The following BRAF variants were observed in gnomAD, a reference collection of about 807,000 sequenced individuals.
BRAF encodes serine/threonine-protein kinase B-raf.
Under a neutral mutation model 104.6 loss-of-function variants are expected in BRAF, and 16 were observed. That is an observed-to-expected ratio of 0.15 (90% CI 0.10 to 0.23). The LOEUF (loss-of-function observed/expected upper bound fraction) is 0.23, where lower values mean the gene tolerates loss of function less well. BRAF is among the 10% of genes least tolerant of loss of function. The pLI is 1.00. For missense variants in BRAF, 541 were observed against 937.3 expected (o/e 0.58, Z 5.52); for synonymous variants, 310 against 341.6 (o/e 0.91, Z 1.02).
chr7:140,723,687 TC>T lies in BRAF; in HGVS notation c.*2806del. 1.9e-6 allele frequency: 2 copies of T among 1,051,474 alleles called. No homozygotes were observed. The highest frequency in any genetic ancestry group is 2.3e-6 in the Non-Finnish European group (2 of 870,572). 65.1% of individuals were successfully genotyped at this position (1,051,474 alleles called of 1,614,324 possible). On this transcript the variant is annotated 3_prime_UTR_variant, in exon 20 of 20. Transcript: ENST00000644969. ...TCCTCTGTAGTTGCTCTCAAATTTT[TC>T]AGAAGGCTTCACCTCTCCCTACCAA...
At chr7:140,914,964 C>CAG (rs1817421556) in intron 1 of BRAF, among the ~76,000 whole-genome samples, 1 of 10,384 alleles carries the variant, frequency 9.6e-5, no homozygotes, top group South Asian at 3.0e-3. Context: ...CACTTGAACC[C>CAG]GGGGGGGGGG....
intron 14 of BRAF, among the ~76,000 whole-genome samples, chr7:140,767,005 T>C (rs773089740): frequency 1.6e-4 from 25 of 152,004 alleles, no homozygotes; most frequent in Non-Finnish European, 3.2e-4. Context: ...AGATGTTTTA[T>C]TTATTTACTT....
At chr7:140,841,104 T>G (rs984579061) in intron 2 of BRAF, among the ~76,000 whole-genome samples, 9 of 152,052 alleles carry the variant, frequency 5.9e-5, no homozygotes, top group Admixed American at 5.9e-4. Flanking sequence ...CCAAAGAAGA[T>G]ATACAAATGG....
chr7:140,836,773 C>T (rs966111958), intron 2 of BRAF, among the ~76,000 whole-genome samples: 3 of 152,130 alleles, frequency 2.0e-5, no homozygotes, highest in African/African-American at 7.2e-5. Flanking sequence ...TGTTAGGGCT[C>T]AGACTACAAC....
rs145773998 is a variant in BRAF, at chr7:140,721,690, T to A, written c.*4804A>T. ...TGGGCATCAGTAATCCATCCCAGTA[T>A]AACATTTCAAGGATGTGCTGGAGAC... is the stretch of plus-strand genomic sequence containing the variant. On this transcript the variant is annotated 3_prime_UTR_variant, in exon 20 of 20. Coordinates refer to ENST00000644969, the MANE Select transcript of BRAF (RefSeq NM_001374258.1). 0.014 allele frequency: 21,101 copies of A among 1,533,980 alleles called. 178 individuals carry two copies. The highest frequency in any genetic ancestry group is 0.016 in the Non-Finnish European group (18,034 of 1,145,960).
chr7:140,791,785 C>G lies in BRAF; in HGVS notation c.1140+2523G>C, dbSNP rs190814468. ...ATTTACCAGAAACTCGGTCTATAAG[C>G]TAAGTATCTATAAGCCAGAAACCTG... On this transcript the variant is annotated intron_variant, in intron 8 of 19. Transcript: ENST00000644969. 2.6e-3 allele frequency among the ~76,000 whole-genome samples: 397 copies of G among 152,294 alleles called. 4 individuals carry two copies. Among genetic ancestry groups the G allele is most frequent in the Non-Finnish European group, 1.5e-3 (104 of 68,022 alleles).
At chr7:140,870,187 G>A (rs917707933) in intron 1 of BRAF, among the ~76,000 whole-genome samples, 6 of 152,112 alleles carry the variant, frequency 3.9e-5, no homozygotes, top group Non-Finnish European at 7.4e-5. Flanking sequence ...TTCCCTAACA[G>A]AAATTACAAA....
chr7:140,788,671 C>G (rs1006236647), intron 8 of BRAF, among the ~76,000 whole-genome samples: 1 of 152,004 alleles, frequency 6.6e-6, no homozygotes, highest in Non-Finnish European at 1.5e-5. Flanking sequence ...TTATTGCAAC[C>G]TCTGCCTCTT....
At chr7:140,902,471 A>G (rs1263776481) in intron 1 of BRAF, among the ~76,000 whole-genome samples, 2 of 152,228 alleles carry the variant, frequency 1.3e-5, no homozygotes, top group Non-Finnish European at 2.9e-5. Context: ...AGTGAAACCA[A>G]GAGTCACATG....
At chr7:140,715,229 G>C (rs1046390328), downstream of BRAF, among the ~76,000 whole-genome samples, 1 of 152,176 alleles carries the variant, frequency 6.6e-6, no homozygotes, top group Non-Finnish European at 1.5e-5. Context: ...GAAGCAAGTG[G>C]AACAGTTGCA....
intron 4 of BRAF, among the ~76,000 whole-genome samples, chr7:140,808,583 TA>T: frequency 6.6e-6 from 1 of 152,020 alleles, no homozygotes; most frequent in Non-Finnish European, 1.5e-5. Flanking sequence ...GAGTTTGTAT[TA>T]AAAATGGGAG....
chr7:140,860,775 A>G lies in BRAF; in HGVS notation c.139-10563T>C, dbSNP rs145300974. Among the ~76,000 whole-genome samples, 128 of 152,362 alleles carry G rather than the reference A, an allele frequency of 8.4e-4. 1 individual carries two copies. The highest frequency in any genetic ancestry group is 2.6e-3 in the African/African-American group (107 of 41,574). On this transcript the variant is annotated intron_variant, in intron 1 of 19. Coordinates refer to ENST00000644969, the MANE Select transcript of BRAF (RefSeq NM_001374258.1). ...TATCATATTCTACATGTGGTATAAT[A>G]TAAATATTTGAAAGTAAACTGGCAA...
intron 1 of BRAF, among the ~76,000 whole-genome samples, chr7:140,910,803 G>C (rs1219068239): frequency 2.0e-5 from 3 of 152,098 alleles, no homozygotes; most frequent in Admixed American, 6.6e-5. Context: ...CTCCCAAGTA[G>C]CTGGGACTAC....
At chr7:140,883,095 T>A (rs1343454676) in intron 1 of BRAF, among the ~76,000 whole-genome samples, 1 of 152,120 alleles carries the variant, frequency 6.6e-6, no homozygotes, top group African/African-American at 2.4e-5. Flanking sequence ...ATAATTTTCC[T>A]ATGGCTTTCT....
At chr7:140,850,779 G>T (rs1483528791) in intron 1 of BRAF, among the ~76,000 whole-genome samples, 1 of 152,114 alleles carries the variant, frequency 6.6e-6, no homozygotes, top group Non-Finnish European at 1.5e-5. Flanking sequence ...GTATCCAGGG[G>T]TTAGGTGGGC....
intron 14 of BRAF, among the ~76,000 whole-genome samples, chr7:140,756,617 A>G (rs1442873164): frequency 6.6e-6 from 1 of 152,210 alleles, no homozygotes; most frequent in Non-Finnish European, 1.5e-5. Flanking sequence ...AGGGAACAAG[A>G]ATATATCAAC....
chr7:140,801,030 G>A (rs2129044062), intron 6 of BRAF: 1 of 212,536 alleles, frequency 4.7e-6, no homozygotes, highest in East Asian at 1.3e-4. Context: ...GAGAGAGGAA[G>A]AATATAAACG....
chr7:140,789,474 TAA>T (rs996803228), intron 8 of BRAF, among the ~76,000 whole-genome samples: 4 of 152,206 alleles, frequency 2.6e-5, no homozygotes, highest in African/African-American at 9.6e-5. Flanking sequence ...ATGTATCATA[TAA>T]AGTCTTCAAC....
At chr7:140,910,583 C>T (rs1816854873) in intron 1 of BRAF, among the ~76,000 whole-genome samples, 1 of 152,172 alleles carries the variant, frequency 6.6e-6, no homozygotes, top group African/African-American at 2.4e-5. Flanking sequence ...AGAGGCTGGC[C>T]ACTTGAGTTT....
Sources: allele counts gnomAD v4.1 joint callset (sites outside exome capture counted in the v4.1 genomes callset), GRCh38; gene constraint gnomAD v4.1.1; transcripts MANE v1.5; gene names NCBI Gene and HGNC (gene_info 2026-07-23, HGNC 2026-07-21).